RNLS: variants seen among roughly 807,000 people sequenced by gnomAD.
RNLS encodes renalase.
Under a neutral mutation model 39.8 loss-of-function variants are expected in RNLS, and 39 were observed. The ratio of observed to expected loss-of-function variants is 0.98; its 90% CI spans 0.76 to 1.28. The LOEUF (loss-of-function observed/expected upper bound fraction) is 1.28. Among genes scored for constraint, RNLS ranks in the 50% most tolerant of loss-of-function variants. The pLI, the probability that RNLS is intolerant of heterozygous loss-of-function variation, is 0.00. For synonymous variants in RNLS, 147 were observed against 150.7 expected (o/e 0.98, Z 0.18); for missense variants, 410 against 413.3 (o/e 0.99, Z 0.07).
At chr10:88,419,219 G>C (rs1034599973) in intron 4 of RNLS, among the ~76,000 whole-genome samples, 26 of 152,224 alleles carry the variant, frequency 1.7e-4, no homozygotes, top group African/African-American at 6.0e-4. Context: ...TGTCCTTGCT[G>C]TGCAAATGGT....
At chr10:88,420,762 G>C (rs1854357548) in intron 4 of RNLS, among the ~76,000 whole-genome samples, 1 of 152,222 alleles carries the variant, frequency 6.6e-6, no homozygotes, top group South Asian at 2.1e-4. Flanking sequence ...TGGGGAGGAA[G>C]CATCCTTCAA....
At position 88,533,340 on chromosome 10, in the gene RNLS, G is replaced by A. The variant is rs906070127; in HGVS notation, c.526+39563C>T. Among the ~76,000 whole-genome samples, 3 of 152,052 alleles carry A rather than the reference G, an allele frequency of 2.0e-5. No homozygotes were observed. The East Asian group carries it at 5.8e-4, about 29-fold the overall frequency. On this transcript the variant is annotated intron_variant, in intron 4 of 6. Coordinates refer to ENST00000331772, the MANE Select transcript of RNLS (RefSeq NM_001031709.3). ...AGGATAAAAGGAGGCAGCCTTGAAG[G>A]ATGAACTGAGTCTTAACAGAAACAT...
chr10:88,258,887 G>T, the RNLS span, among the ~76,000 whole-genome samples: 1 of 152,220 alleles, frequency 6.6e-6, no homozygotes, highest in East Asian at 1.9e-4. Flanking sequence ...CTCTGCTGCT[G>T]TGATTGTGAA....
At chr10:88,460,068 C>T (rs566355711) in intron 4 of RNLS, among the ~76,000 whole-genome samples, 3 of 152,182 alleles carry the variant, frequency 2.0e-5, no homozygotes, top group South Asian at 2.1e-4. Flanking sequence ...ATTTAATCCT[C>T]GTGAGATCCT....
intron 4 of RNLS, among the ~76,000 whole-genome samples, chr10:88,496,791 G>T (rs1381889411): frequency 6.6e-6 from 1 of 152,088 alleles, no homozygotes; most frequent in Non-Finnish European, 1.5e-5. Flanking sequence ...ATCTTCCTAT[G>T]ATATGCAGCC....
chr10:88,268,254 C>G, the RNLS span, among the ~76,000 whole-genome samples: 2 of 152,136 alleles, frequency 1.3e-5, no homozygotes, highest in Admixed American at 1.3e-4. Flanking sequence ...AGTCCCATAC[C>G]TCTCAAGACC....
At chr10:88,306,629 G>A (rs1352387414) in intron 6 of RNLS, among the ~76,000 whole-genome samples, 2 of 152,082 alleles carry the variant, frequency 1.3e-5, no homozygotes, top group African/African-American at 4.8e-5. Context: ...ACTAAACCAG[G>A]AAGAAACGGA....
chr10:88,473,130 T>C (rs1008880065), intron 4 of RNLS, among the ~76,000 whole-genome samples: 1 of 152,060 alleles, frequency 6.6e-6, no homozygotes, highest in African/African-American at 2.4e-5. Flanking sequence ...TGTAGCAAAA[T>C]GGTATTTGTG....
In RNLS at chr10:88,309,360, A is replaced by G. The variant is rs566867591; in HGVS notation, c.876+5106T>C. On this transcript the variant is annotated intron_variant, in intron 6 of 6. Coordinates refer to ENST00000331772, the MANE Select transcript of RNLS (RefSeq NM_001031709.3). ...ATATCAATCACCACCTGACTTTTCA[A>G]TGCTGAAATTAGACACTATTACTCA... 7.3e-6 allele frequency: 9 copies of G among 1,228,522 alleles called. No individual in the cohort carries two copies. The African/African-American group carries it at 1.1e-4, about 15-fold the overall frequency. 76.1% of individuals were successfully genotyped at this position (1,228,522 alleles called of 1,614,324 possible). A position where few individuals can be genotyped will look rare whatever the true frequency, so the allele number is the denominator to read the frequency against.
At chr10:88,335,373 C>T (rs1379187338) in intron 5 of RNLS, among the ~76,000 whole-genome samples, 1 of 152,072 alleles carries the variant, frequency 6.6e-6, no homozygotes, top group African/African-American at 2.4e-5. Context: ...TGTGTGCCAC[C>T]ATGCCTGGCT....
At chr10:88,291,611 G>T (rs761107244) in intron 6 of RNLS, among the ~76,000 whole-genome samples, 1 of 152,150 alleles carries the variant, frequency 6.6e-6, no homozygotes, top group Non-Finnish European at 1.5e-5. Context: ...ATTGGAGTTG[G>T]CATTTGAGAG....
intron 4 of RNLS, among the ~76,000 whole-genome samples, chr10:88,484,985 T>C (rs1844406237): frequency 6.6e-6 from 1 of 151,984 alleles, no homozygotes; most frequent in African/African-American, 2.4e-5. Flanking sequence ...AAGCATCTCA[T>C]GTTATTTGAT....
At chr10:88,366,719 G>T (rs1222040393) in intron 4 of RNLS, among the ~76,000 whole-genome samples, 1 of 144,664 alleles carries the variant, frequency 6.9e-6, no homozygotes, top group African/African-American at 2.6e-5. Context: ...AATTAAAAGG[G>T]CCCAGTCAAC....
chr10:88,267,782 A>G, the RNLS span, among the ~76,000 whole-genome samples: 1 of 152,308 alleles, frequency 6.6e-6, no homozygotes, highest in African/African-American at 2.4e-5. Flanking sequence ...CTCAGAAAGG[A>G]GGAAGAAGTG....
chr10:88,364,577 C>T (rs1031877699), intron 4 of RNLS, among the ~76,000 whole-genome samples: 4 of 152,246 alleles, frequency 2.6e-5, no homozygotes, highest in Middle Eastern at 3.4e-3. Flanking sequence ...CTACCCTATA[C>T]TTTCCTCTGC....
chr10:88,271,955 C>T (rs1842661503), downstream of RNLS, among the ~76,000 whole-genome samples: 1 of 152,170 alleles, frequency 6.6e-6, no homozygotes, highest in African/African-American at 2.4e-5. Context: ...GAAAATGATG[C>T]AACATGTGCT....
At chr10:88,380,363 CTTTTTTTTTTTTT>C (rs10565402) in intron 4 of RNLS, among the ~76,000 whole-genome samples, 3 of 73,156 alleles carry the variant, frequency 4.1e-5, no homozygotes, top group Admixed American at 3.7e-4. Context: ...GGTTTTGTAT[CTTTTTTTTTTTTT>C]TTTTTTTTTT....
At chr10:88,202,312 G>C in the RNLS span, among the ~76,000 whole-genome samples, 1 of 118,064 alleles carries the variant, frequency 8.5e-6, no homozygotes, top group African/African-American at 3.2e-5. Context: ...GTGGGGGGAG[G>C]GGGGAGGGAT....
chr10:88,383,994 C>T (rs1354663836), intron 4 of RNLS, among the ~76,000 whole-genome samples: 1 of 151,952 alleles, frequency 6.6e-6, no homozygotes, highest in South Asian at 2.1e-4. Flanking sequence ...CATCAGTAGA[C>T]CTATATTATA....
Sources: gnomAD v4.1 joint callset for allele counts (sites outside exome capture counted in the v4.1 genomes callset) on GRCh38, gnomAD v4.1.1 for gene constraint, MANE v1.5 for transcripts, NCBI Gene and HGNC (gene_info 2026-07-23, HGNC 2026-07-21) for gene names.